PLCB1: variants seen among roughly 807,000 people sequenced by gnomAD.
The protein encoded by PLCB1 is 1-phosphatidylinositol 4,5-bisphosphate phosphodiesterase beta-1.
A neutral mutation model predicts 161.8 loss-of-function variants in PLCB1; 46 were observed. That is an observed-to-expected ratio of 0.28 (90% confidence interval 0.22 to 0.36). The LOEUF (loss-of-function observed/expected upper bound fraction) is 0.36, where lower values mean the gene tolerates loss of function less well. Ranked by LOEUF, PLCB1 falls within the 10% of genes least tolerant of loss-of-function variation. The pLI, the probability that PLCB1 is intolerant of heterozygous loss-of-function variation, is 1.00. For missense variants in PLCB1, 1,016 were observed against 1,472.5 expected, an observed-to-expected ratio of 0.69 and a Z score of 5.07; for synonymous variants, 517 against 503.7, an observed-to-expected ratio of 1.03 and a Z score of -0.35.
At chr20:8,458,765 GC>G (rs1223656347) in intron 3 of PLCB1, among the ~76,000 whole-genome samples, 1 of 152,152 alleles carries the variant, frequency 6.6e-6, no homozygotes, top group Non-Finnish European at 1.5e-5. Flanking sequence ...AAGTAAAGAA[GC>G]TGACCTTCCA....
At chr20:8,571,677 T>C (rs1986523804) in intron 3 of PLCB1, among the ~76,000 whole-genome samples, 1 of 152,150 alleles carries the variant, frequency 6.6e-6, no homozygotes, top group Non-Finnish European at 1.5e-5. Context: ...CCCTATGTCC[T>C]ACTGATGGAG....
chr20:8,744,660 A>T (rs6056053), intron 23 of PLCB1, among the ~76,000 whole-genome samples: 64 of 126,212 alleles, frequency 5.1e-4, no homozygotes, highest in African/African-American at 1.4e-3. Flanking sequence ...TAAAATAAAA[A>T]AATAAAATTG....
intron 3 of PLCB1, among the ~76,000 whole-genome samples, chr20:8,421,678 AC>A (rs143947903): frequency 0.036 from 5,423 of 152,186 alleles, 305 homozygotes; most frequent in African/African-American, 0.12. Flanking sequence ...AATCCCTAAA[AC>A]CTTTGCATAC....
At chr20:8,658,947 C>T (rs1989546870) in intron 9 of PLCB1, among the ~76,000 whole-genome samples, 1 of 151,996 alleles carries the variant, frequency 6.6e-6, no homozygotes. Context: ...AATGTCTAAT[C>T]CTTTATTTTG....
chr20:8,426,945 T>G lies in PLCB1; in HGVS notation c.246+55495T>G, dbSNP rs554776357. On this transcript the variant is annotated intron_variant, in intron 3 of 31. Coordinates refer to ENST00000338037, the MANE Select transcript of PLCB1 (RefSeq NM_015192.4). ...TTATTATTATTACTTTGAGACAGAG[T>G]CTCGTTGTGTCACCCAGGCTGGAGT... 7.9e-5 allele frequency among the ~76,000 whole-genome samples: 12 copies of G among 151,878 alleles called. No individual in the cohort carries two copies. The East Asian group carries it at 2.3e-3, about 29-fold the overall frequency.
chr20:8,725,343 T>C (rs1979876650), intron 16 of PLCB1, among the ~76,000 whole-genome samples: 1 of 152,162 alleles, frequency 6.6e-6, no homozygotes, highest in Admixed American at 6.6e-5. Flanking sequence ...AAAGGGTTCT[T>C]TTATGAAAAT....
chr20:8,134,963 T>C (rs1045675133), intron 1 of PLCB1, among the ~76,000 whole-genome samples: 1 of 152,132 alleles, frequency 6.6e-6, no homozygotes, highest in African/African-American at 2.4e-5. Context: ...TGGGTCTTCA[T>C]GCTGATCAGT....
chr20:8,738,461 G>A (rs1980697167), intron 20 of PLCB1, among the ~76,000 whole-genome samples: 1 of 151,894 alleles, frequency 6.6e-6, no homozygotes, highest in Admixed American at 6.6e-5. Flanking sequence ...TTTTCTTAGT[G>A]GGTGCAGCGT....
chr20:8,387,977 T>TAA lies in PLCB1; in HGVS notation c.246+16546_246+16547dup, dbSNP rs1555802977. Among the ~76,000 whole-genome samples the TAA allele has an allele frequency of 6.1e-3, 770 of 126,752 alleles. 12 individuals are homozygous for TAA. Among genetic ancestry groups the TAA allele is most frequent in the African/African-American group, 0.021 (689 of 33,122 alleles). The allele number at this position is 126,752 out of a possible 152,430, so 83.2% of individuals were successfully genotyped here. On this transcript the variant is annotated intron_variant, in intron 3 of 31. Coordinates refer to ENST00000338037, the MANE Select transcript of PLCB1 (RefSeq NM_015192.4). ...ATTATGTATGTTTTACCACTTTTTT[T>TAA]AAAAAAAAAAAAAAAAAAAAGAAGA...
chr20:8,398,355 T>G (rs2122461078), intron 3 of PLCB1, among the ~76,000 whole-genome samples: 1 of 152,332 alleles, frequency 6.6e-6, no homozygotes, highest in South Asian at 2.1e-4. Context: ...CACTTTGGAC[T>G]TCTATAACAA....
At chr20:8,539,882 C>G (rs1484410713) in intron 3 of PLCB1, among the ~76,000 whole-genome samples, 1 of 151,710 alleles carries the variant, frequency 6.6e-6, no homozygotes, top group African/African-American at 2.4e-5. Flanking sequence ...GAAGTGAGAA[C>G]ATAAACAGCT....
chr20:8,555,489 G>T (rs1309066942), intron 3 of PLCB1, among the ~76,000 whole-genome samples: 1 of 152,020 alleles, frequency 6.6e-6, no homozygotes, highest in African/African-American at 2.4e-5. Flanking sequence ...ACATGGGATG[G>T]GGCTTCGATT....
intron 11 of PLCB1, among the ~76,000 whole-genome samples, chr20:8,700,350 A>G (rs772728123): frequency 5.9e-5 from 9 of 152,214 alleles, no homozygotes; most frequent in Non-Finnish European, 1.0e-4. Flanking sequence ...GAGAATAAAC[A>G]CCAAGCACAT....
At chr20:8,611,764 T>C (rs1228582118) in intron 3 of PLCB1, among the ~76,000 whole-genome samples, 3 of 152,184 alleles carry the variant, frequency 2.0e-5, no homozygotes, top group Non-Finnish European at 4.4e-5. Flanking sequence ...CCCTTGGCAC[T>C]GTTTCTATAT....
chr20:8,415,064 G>C (rs1979210989), intron 3 of PLCB1, among the ~76,000 whole-genome samples: 1 of 152,246 alleles, frequency 6.6e-6, no homozygotes, highest in Non-Finnish European at 1.5e-5. Flanking sequence ...TCATGGGTGA[G>C]TGAATATTAG....
chr20:8,150,669 T>C (rs1045263980), intron 2 of PLCB1, among the ~76,000 whole-genome samples: 3 of 152,134 alleles, frequency 2.0e-5, no homozygotes, highest in Admixed American at 2.0e-4. Context: ...ACATAATTAG[T>C]CAGCGTTACT....
chr20:8,621,218 C>T (rs1347638957), intron 3 of PLCB1, among the ~76,000 whole-genome samples: 1 of 152,150 alleles, frequency 6.6e-6, no homozygotes, highest in Non-Finnish European at 1.5e-5. Flanking sequence ...TAATTGTCTG[C>T]TTTGCACACA....
chr20:8,633,101 TACACACACACACACACACAC>T (rs58802999), intron 4 of PLCB1, among the ~76,000 whole-genome samples: 34 of 142,258 alleles, frequency 2.4e-4, no homozygotes, highest in African/African-American at 5.3e-4. Flanking sequence ...TGCATGTATG[TACACACACACACACACACAC>T]ACACACACAC....
intron 3 of PLCB1, among the ~76,000 whole-genome samples, chr20:8,555,123 CAG>C (rs1568505967): frequency 6.6e-6 from 1 of 152,002 alleles, no homozygotes; most frequent in Non-Finnish European, 1.5e-5. Flanking sequence ...AGAGTTCTGA[CAG>C]AGTTGAGTTT....
Sources: allele counts gnomAD v4.1 joint callset (sites outside exome capture counted in the v4.1 genomes callset), GRCh38; gene constraint gnomAD v4.1.1; transcripts MANE v1.5; gene names NCBI Gene and HGNC (gene_info 2026-07-23, HGNC 2026-07-21).